CEMIP: variants seen among roughly 807,000 people sequenced by gnomAD.
CEMIP encodes cell migration inducing hyaluronidase 1.
A neutral mutation model predicts 156.9 loss-of-function variants in CEMIP; 105 were observed. That is an observed-to-expected ratio of 0.67 (90% confidence interval 0.57 to 0.79). The LOEUF (loss-of-function observed/expected upper bound fraction) is 0.79, where lower values mean the gene tolerates loss of function less well. Ranked by LOEUF, CEMIP falls within the 30% of genes least tolerant of loss-of-function variation. The probability of loss-of-function intolerance (pLI) is 0.00; values close to 1 mark genes in which losing one functional copy is unlikely to be tolerated. For synonymous variants in CEMIP, 676 were observed against 668.4 expected (o/e 1.01, Z -0.17); for missense variants, 1,457 against 1,769.4 (o/e 0.82, Z 3.17).
At chr15:80,858,933 C>T (rs1164471496) in intron 1 of CEMIP, among the ~76,000 whole-genome samples, 1 of 152,198 alleles carries the variant, frequency 6.6e-6, no homozygotes, top group Non-Finnish European at 1.5e-5. Context: ...TATTAGCTTT[C>T]TCCATCTCTA....
At position 80,895,458 on chromosome 15, in the gene CEMIP, G is replaced by A. The variant is rs148037679; in HGVS notation, c.1219+336G>A. On this transcript the variant is annotated intron_variant, in intron 11 of 29. Coordinates refer to ENST00000394685, the MANE Select transcript of CEMIP (RefSeq NM_001293298.2). ...CTAAGGTGCTTGTTAGAAGAGATTG[G>A]AAATGGTCGGGTTGTTCTCGGAGGC... Among the ~76,000 whole-genome samples the A allele has an allele frequency of 3.6e-3, 555 of 152,224 alleles. 2 individuals are homozygous for A. The highest frequency in any genetic ancestry group is 5.8e-3 in the Non-Finnish European group (397 of 68,000).
chr15:80,921,011 G>T, intron 15 of CEMIP, 21 bp from the exon 16 acceptor site: 1 of 1,612,710 alleles, frequency 6.2e-7, no homozygotes, highest in Non-Finnish European at 8.5e-7. Flanking sequence ...CTGATCTCAG[G>T]TATCTCTGCC....
intron 1 of CEMIP, among the ~76,000 whole-genome samples, chr15:80,809,541 C>G (rs1177330473): frequency 6.6e-6 from 1 of 152,128 alleles, no homozygotes; most frequent in Non-Finnish European, 1.5e-5. Context: ...TAACAAATTG[C>G]CATACTTAAA....
At position 80,880,947 on chromosome 15, in the gene CEMIP, T is replaced by C. The variant is rs765762495; in HGVS notation, c.428T>C (p.Ile143Thr). 3.7e-6 allele frequency: 6 copies of C among 1,614,098 alleles called. No individual in the cohort carries two copies. Among genetic ancestry groups the C allele is most frequent in the Admixed American group, 3.3e-5 (2 of 60,004 alleles). The change falls in exon 6 of 30, where the codon ATT becomes ACT. Residue 143 changes from isoleucine to threonine, a missense_variant. Around this residue, in one of 5 missense-constraint regions of CEMIP, gnomAD observed 309 missense variants for 340.8 expected, o/e 0.91. Transcript: ENST00000394685. ...QPDPYYGLKY[I>T]GVGKGGALEL... Reference sequence around the variant, plus strand: ...GATCCTTACTATGGTCTGAAGTACATTGGGGTTGGTAAAGGAGGCGCTCTT... The same window carrying C: ...GATCCTTACTATGGTCTGAAGTACACTGGGGTTGGTAAAGGAGGCGCTCTT...
chr15:80,781,882 C>A (rs1046670873), intron 1 of CEMIP, among the ~76,000 whole-genome samples: 1 of 152,144 alleles, frequency 6.6e-6, no homozygotes, highest in Non-Finnish European at 1.5e-5. Context: ...GACAGTTGTG[C>A]ATTTCTTTTG....
intron 1 of CEMIP, among the ~76,000 whole-genome samples, chr15:80,870,745 C>T (rs1397599522): frequency 1.3e-5 from 2 of 152,216 alleles, no homozygotes; most frequent in African/African-American, 4.8e-5. Flanking sequence ...TTGGGGGCAG[C>T]CGAGCTTCTG....
At chr15:80,864,849 G>C (rs776525172) in intron 1 of CEMIP, among the ~76,000 whole-genome samples, 7 of 152,164 alleles carry the variant, frequency 4.6e-5, no homozygotes, top group African/African-American at 1.2e-4. Context: ...GATTTGTTAC[G>C]ACAGCTTTCT....
intron 1 of CEMIP, among the ~76,000 whole-genome samples, chr15:80,821,855 C>T (rs114610554): frequency 1.3e-4 from 20 of 152,336 alleles, no homozygotes; most frequent in African/African-American, 4.6e-4. Flanking sequence ...GGACAGTCTC[C>T]CCTTGGGATT....
intron 1 of CEMIP, among the ~76,000 whole-genome samples, chr15:80,855,469 G>A (rs1235250011): frequency 6.6e-6 from 1 of 151,990 alleles, no homozygotes; most frequent in Non-Finnish European, 1.5e-5. Context: ...CGTTCTCACT[G>A]CATTTTGGTA....
intron 1 of CEMIP, among the ~76,000 whole-genome samples, chr15:80,861,850 A>G (rs1447410496): frequency 6.6e-6 from 1 of 152,264 alleles, no homozygotes; most frequent in South Asian, 2.1e-4. Flanking sequence ...TAGCCCAGTG[A>G]GTAGACTTGG....
chr15:80,930,867 A>G (rs1359896807), intron 21 of CEMIP, among the ~76,000 whole-genome samples: 1 of 152,152 alleles, frequency 6.6e-6, no homozygotes, highest in Non-Finnish European at 1.5e-5. Context: ...GTGGAAGACA[A>G]TGTGCTTGAC....
intron 1 of CEMIP, among the ~76,000 whole-genome samples, chr15:80,803,775 C>T (rs865933315): frequency 2.0e-5 from 3 of 152,164 alleles, no homozygotes; most frequent in South Asian, 2.1e-4. Flanking sequence ...GGCTCCAGAC[C>T]CACAGGTCTC....
intron 1 of CEMIP, among the ~76,000 whole-genome samples, chr15:80,793,857 G>A (rs1596092258): frequency 6.6e-6 from 1 of 152,188 alleles, no homozygotes; most frequent in South Asian, 2.1e-4. Flanking sequence ...ATTCATTAGT[G>A]GGATAGGATG....
At chr15:80,823,594 ACTTGGGGTCTC>A (rs1339968912) in intron 1 of CEMIP, among the ~76,000 whole-genome samples, 1 of 152,112 alleles carries the variant, frequency 6.6e-6, no homozygotes, top group Non-Finnish European at 1.5e-5. Context: ...CCACGCCATC[ACTTGGGGTCTC>A]CTGTCCTGAG....
intron 24 of CEMIP, 84 bp from the exon 25 acceptor site, chr15:80,937,710 T>A: frequency 8.0e-7 from 1 of 1,254,306 alleles, no homozygotes. Flanking sequence ...TGGAGATTTT[T>A]TGGTCTCTTT....
intron 23 of CEMIP, 47 bp from the exon 24 acceptor site, chr15:80,936,627 T>C: frequency 1.3e-6 from 2 of 1,509,954 alleles, no homozygotes; most frequent in Non-Finnish European, 1.8e-6. Flanking sequence ...CTTGGAATAA[T>C]CCTTCGTAAT....
At chr15:80,902,689 T>C (rs1412147036) in intron 12 of CEMIP, among the ~76,000 whole-genome samples, 1 of 152,188 alleles carries the variant, frequency 6.6e-6, no homozygotes, top group Non-Finnish European at 1.5e-5. Flanking sequence ...ATAAACACAG[T>C]GCCTCCACCT....
At chr15:80,942,132 G>T in intron 26 of CEMIP, 79 bp downstream of exon 26, 1 of 1,511,560 alleles carries the variant, frequency 6.6e-7, no homozygotes, top group South Asian at 1.1e-5. Context: ...GTCGGGCCCA[G>T]ACCCAATTAG....
chr15:80,925,573 AG>A (rs748027887), intron 18 of CEMIP, 50 bp from the exon 19 acceptor site: 2 of 1,603,992 alleles, frequency 1.2e-6, no homozygotes, highest in South Asian at 2.2e-5. Flanking sequence ...GAGTCAGCAG[AG>A]GCGTGCCCCC....
Sources: gnomAD v4.1 joint callset for allele counts (sites outside exome capture counted in the v4.1 genomes callset) on GRCh38, gnomAD v4.1.1 for gene constraint, gnomAD v4.1.1 regional missense constraint, MANE v1.5 for transcripts, NCBI Gene and HGNC (gene_info 2026-07-23, HGNC 2026-07-21) for gene names.